Variants in PAFAH1B1 observed in about 807,000 individuals in gnomAD.
PAFAH1B1 encodes the protein platelet-activating factor acetylhydrolase IB subunit beta.
In PAFAH1B1, 2 loss-of-function variants were observed where a neutral mutation model predicts 57.5. The observed-to-expected ratio is 0.03, with a 90% CI of 0.01 to 0.11. The LOEUF (loss-of-function observed/expected upper bound fraction) is 0.11, where lower values mean the gene tolerates loss of function less well. PAFAH1B1 is among the 10% of genes least tolerant of loss of function. The pLI is 1.00. For missense variants in PAFAH1B1, 257 were observed against 512.0 expected, an observed-to-expected ratio of 0.50 and a Z score of 4.81; for synonymous variants, 152 against 169.6, an observed-to-expected ratio of 0.90 and a Z score of 0.81.
chr17:2,597,298 T>C (rs1304802796), intron 1 of PAFAH1B1, among the ~76,000 whole-genome samples: 1 of 152,062 alleles, frequency 6.6e-6, no homozygotes, highest in Admixed American at 6.6e-5. Flanking sequence ...TTTTGTTACC[T>C]GTTTTTCCAG....
At chr17:2,598,828 C>T (rs1158332923) in intron 1 of PAFAH1B1, among the ~76,000 whole-genome samples, 1 of 152,020 alleles carries the variant, frequency 6.6e-6, no homozygotes, top group African/African-American at 2.4e-5. Flanking sequence ...TTGGATTGTT[C>T]TTTGTTGCTG....
At chr17:2,605,568 A>G (rs1028707624) in intron 1 of PAFAH1B1, among the ~76,000 whole-genome samples, 1 of 152,038 alleles carries the variant, frequency 6.6e-6, no homozygotes, top group African/African-American at 2.4e-5. Context: ...ACTGTGATTC[A>G]GCTTTGGGAA....
chr17:2,659,625 G>A (rs909603851), intron 2 of PAFAH1B1, among the ~76,000 whole-genome samples: 1 of 150,750 alleles, frequency 6.6e-6, no homozygotes, highest in Non-Finnish European at 1.5e-5. Flanking sequence ...GAGGCCAGGA[G>A]TTTGAGACCA....
chr17:2,631,361 G>A lies in PAFAH1B1; in HGVS notation c.-190-6738G>A, dbSNP rs181334465. On this transcript the variant is annotated intron_variant, in intron 1 of 10. Coordinates refer to ENST00000397195, the MANE Select transcript of PAFAH1B1 (RefSeq NM_000430.4). ...TCTGTGAAGTCTGCATGCCGGATTCGCACCCTCCCCTGAGTTCTGGCCAGG... is the reference window on the plus strand; with the variant it reads ...TCTGTGAAGTCTGCATGCCGGATTCACACCCTCCCCTGAGTTCTGGCCAGG... Among the ~76,000 whole-genome samples, 11 of 152,222 alleles carry A rather than the reference G, an allele frequency of 7.2e-5. No individual in the cohort carries two copies. In the East Asian group the frequency reaches 1.2e-3, roughly 16 times the overall value.
chr17:2,664,324 C>T (rs1457034688), intron 2 of PAFAH1B1, among the ~76,000 whole-genome samples: 1 of 152,008 alleles, frequency 6.6e-6, no homozygotes, highest in East Asian at 1.9e-4. Flanking sequence ...CTCACCACAG[C>T]CTCCACCTCC....
rs578108539 is a variant in PAFAH1B1 at position 2,684,724 on chromosome 17, T to C, written c.*2922T>C. 1.5e-3 allele frequency: 223 copies of C among 152,742 alleles called. 2 individuals are homozygous for C. The highest frequency in any genetic ancestry group is 2.7e-3 in the Non-Finnish European group (185 of 68,048). 9.5% of individuals were successfully genotyped at this position (152,742 alleles called of 1,614,324 possible). On this transcript the variant is annotated 3_prime_UTR_variant, in exon 11 of 11. Transcript: ENST00000397195. Reference sequence around the variant, plus strand: ...GTTCGTCTGTGTGTGGTGTGACCAATGGTGTGCCCAGAGCACTACTCTCAA... The same window carrying C: ...GTTCGTCTGTGTGTGGTGTGACCAACGGTGTGCCCAGAGCACTACTCTCAA...
chr17:2,644,632 T>C (rs2151639396), intron 2 of PAFAH1B1, among the ~76,000 whole-genome samples: 1 of 152,348 alleles, frequency 6.6e-6, no homozygotes, highest in South Asian at 2.1e-4. Flanking sequence ...CTCCCGTGTT[T>C]GGTATATTTA....
chr17:2,627,130 C>T (rs910358301), intron 1 of PAFAH1B1, among the ~76,000 whole-genome samples: 1 of 152,152 alleles, frequency 6.6e-6, no homozygotes, highest in African/African-American at 2.4e-5. Context: ...GTTTTTATTG[C>T]ATTTGCTTTT....
chr17:2,630,289 T>TAAAAATTATGACAAGGCTGGGCGCG (rs2068539640), intron 1 of PAFAH1B1, among the ~76,000 whole-genome samples: 1 of 152,216 alleles, frequency 6.6e-6, no homozygotes, highest in South Asian at 2.1e-4. Flanking sequence ...TAGCAGTTCT[T>TAAAAATTATGACAAGGCTGGGCGCG]GTAATGGTGG....
chr17:2,665,902 T>C, intron 3 of PAFAH1B1, 114 bp from the exon 4 acceptor site: 1 of 1,129,574 alleles, frequency 8.9e-7, no homozygotes, highest in Non-Finnish European at 1.2e-6. Flanking sequence ...GCCCAGCCAC[T>C]CCCTTTTTTT....
chr17:2,602,246 C>G (rs1039202440), intron 1 of PAFAH1B1, among the ~76,000 whole-genome samples: 1 of 145,474 alleles, frequency 6.9e-6, no homozygotes, highest in African/African-American at 2.4e-5. Flanking sequence ...TTATCTCCAC[C>G]TACTGAAAAA....
At chr17:2,611,348 G>A (rs1008792040) in intron 1 of PAFAH1B1, among the ~76,000 whole-genome samples, 1 of 151,812 alleles carries the variant, frequency 6.6e-6, no homozygotes, top group African/African-American at 2.4e-5. Context: ...TGCGCCTGTA[G>A]TCCCAGCTAC....
chr17:2,672,591 A>T, intron 6 of PAFAH1B1, 64 bp from the exon 7 acceptor site: 1 of 1,089,816 alleles, frequency 9.2e-7, no homozygotes, highest in Non-Finnish European at 1.4e-6. Flanking sequence ...TCCCATGGTC[A>T]ATTGATGTTT....
At position 2,648,147 on chromosome 17, in the gene PAFAH1B1, T is replaced by A. The variant is rs148623798; in HGVS notation, c.32+9827T>A. Among the ~76,000 whole-genome samples, 233 of 151,954 alleles carry A rather than the reference T, an allele frequency of 1.5e-3. 3 individuals carry two copies. The East Asian group carries it at 0.035, about 23-fold the overall frequency. On this transcript the variant is annotated intron_variant, in intron 2 of 10. Coordinates refer to ENST00000397195, the MANE Select transcript of PAFAH1B1 (RefSeq NM_000430.4). Reference sequence around the variant, plus strand: ...CACATAGTGGCAGAAAGGAGAAGAATGAGAGACGAGTGAAGGGGGAAGCCC... The same window carrying A: ...CACATAGTGGCAGAAAGGAGAAGAAAGAGAGACGAGTGAAGGGGGAAGCCC...
intron 1 of PAFAH1B1, chr17:2,613,890 T>C (rs577597402): frequency 4.9e-6 from 1 of 203,556 alleles, no homozygotes; most frequent in South Asian, 8.4e-5. Flanking sequence ...AAGGGGGGCC[T>C]GAAATGGGGG....
intron 2 of PAFAH1B1, among the ~76,000 whole-genome samples, chr17:2,654,400 A>G (rs1186810588): frequency 1.3e-5 from 2 of 150,394 alleles, no homozygotes; most frequent in Admixed American, 6.6e-5. Context: ...GCTGGTCTCA[A>G]ACTGACCTCA....
At position 2,643,112 on chromosome 17, in the gene PAFAH1B1, G is replaced by A. The variant is rs369810635; in HGVS notation, c.32+4792G>A. Reference sequence around the variant, plus strand: ...GTTTGTTTTTTTGTTTTGGAGACAAGAGTCTCATTCTGTCTTCCAGTCTGG... The same window carrying A: ...GTTTGTTTTTTTGTTTTGGAGACAAAAGTCTCATTCTGTCTTCCAGTCTGG... On this transcript the variant is annotated intron_variant, in intron 2 of 10. Coordinates refer to ENST00000397195, the MANE Select transcript of PAFAH1B1 (RefSeq NM_000430.4). 1.4e-3 allele frequency among the ~76,000 whole-genome samples: 206 copies of A among 152,188 alleles called. 4 individuals carry two copies. The East Asian group carries it at 0.028, about 21-fold the overall frequency.
At chr17:2,613,875 C>G (rs1597517834) in intron 1 of PAFAH1B1, 2 of 209,338 alleles carry the variant, frequency 9.6e-6, no homozygotes, top group African/African-American at 4.7e-5. Context: ...GAGGGCACTC[C>G]CAGAAAGGGG....
At chr17:2,616,053 G>T (rs2068336518) in intron 1 of PAFAH1B1, among the ~76,000 whole-genome samples, 1 of 152,216 alleles carries the variant, frequency 6.6e-6, no homozygotes. Context: ...TGAGTTCTCA[G>T]TTACCTACTT....
Sources: gnomAD v4.1 joint callset for allele counts (sites outside exome capture counted in the v4.1 genomes callset) on GRCh38, gnomAD v4.1.1 for gene constraint, MANE v1.5 for transcripts, NCBI Gene and HGNC (gene_info 2026-07-23, HGNC 2026-07-21) for gene names.